The following RPS9 variants were observed in gnomAD, a reference collection of about 807,000 sequenced individuals.
The protein encoded by RPS9 is small ribosomal subunit protein uS4.
A neutral mutation model predicts 16.9 loss-of-function variants in RPS9; 1 was observed. That is an observed-to-expected ratio of 0.06 (90% CI 0.02 to 0.28). The LOEUF (loss-of-function observed/expected upper bound fraction) is 0.28. Among genes scored for constraint, RPS9 ranks in the 10% least tolerant of loss-of-function variants. The pLI, the probability that RPS9 is intolerant of heterozygous loss-of-function variation, is 1.00. For missense variants in RPS9, 137 were observed against 273.2 expected (o/e 0.50, Z 3.51); for synonymous variants, 106 against 110.9 (o/e 0.96, Z 0.28).
At position 54,203,972 on chromosome 19, in the gene RPS9, A is replaced by G. The variant is rs552999026; in HGVS notation, c.221-2304A>G. Among the ~76,000 whole-genome samples, 30 of 152,316 alleles carry G rather than the reference A, an allele frequency of 2.0e-4. No individual in the cohort carries two copies. In the East Asian group the frequency reaches 3.7e-3, roughly 19 times the overall value. ...GGCCCAGTGGAGCCTCAGCAGTAGGACATGCTTTTGTTGAAGGTGTAAGGT... is the reference window on the plus strand; with the variant it reads ...GGCCCAGTGGAGCCTCAGCAGTAGGGCATGCTTTTGTTGAAGGTGTAAGGT... On this transcript the variant is annotated intron_variant, in intron 3 of 4. Coordinates refer to ENST00000302907, the MANE Select transcript of RPS9 (RefSeq NM_001013.4).
chr19:54,201,790 T>C, intron 3 of RPS9, 181 bp downstream of exon 3: 1 of 1,353,512 alleles, frequency 7.4e-7, no homozygotes, highest in African/African-American at 1.5e-5. Flanking sequence ...TTGCCCTGTT[T>C]CTTAGGTGTG....
intron 3 of RPS9, chr19:54,202,483 A>C (rs1317753506): frequency 1.3e-5 from 13 of 984,892 alleles, no homozygotes; most frequent in Non-Finnish European, 1.6e-5. Flanking sequence ...AAAATGTCTC[A>C]GGGAACAGCA....
At chr19:54,201,746 T>G in intron 3 of RPS9, 137 bp downstream of exon 3, 1 of 1,466,246 alleles carries the variant, frequency 6.8e-7, no homozygotes, top group Non-Finnish European at 9.1e-7. Flanking sequence ...TTAGTGGCAC[T>G]TGTGGAGTAG....
chr19:54,201,860 C>T (rs144223500), intron 3 of RPS9: 12 of 653,582 alleles, frequency 1.8e-5, no homozygotes, highest in Non-Finnish European at 2.7e-5. Context: ...TAAAGATAGG[C>T]CTGGCACACC....
intron 3 of RPS9, 140 bp downstream of exon 3, chr19:54,201,749 T>C: frequency 1.4e-6 from 2 of 1,463,080 alleles, no homozygotes; most frequent in East Asian, 2.5e-5. Flanking sequence ...GTGGCACTTG[T>C]GGAGTAGGAA....
intron 4 of RPS9, chr19:54,206,863 G>A: frequency 1.4e-6 from 1 of 703,040 alleles, no homozygotes; most frequent in Non-Finnish European, 2.3e-6. Flanking sequence ...TACTCAGTGT[G>A]CCCTTTCTGT....
chr19:54,201,138 C>G (rs764580453), intron 1 of RPS9, 22 bp from the exon 2 acceptor site: 7 of 1,611,972 alleles, frequency 4.3e-6, no homozygotes, highest in African/African-American at 1.3e-5. Flanking sequence ...ATCCCTTACG[C>G]TCACACTTCT....
intron 2 of RPS9, 45 bp downstream of exon 2, chr19:54,201,326 C>T (rs373749997): frequency 2.7e-5 from 44 of 1,613,150 alleles, no homozygotes; most frequent in Admixed American, 6.7e-5. Flanking sequence ...TTCCGGGAGG[C>T]GGTTAGCACG....
Position 54,207,525 on chromosome 19 carries a change from A to C in RPS9, c.535A>C (p.Lys179Gln). The C allele has an allele frequency of 1.9e-6, 3 of 1,612,730 alleles. No homozygotes were observed. Among genetic ancestry groups the C allele is most frequent in the Non-Finnish European group, 2.5e-6 (3 of 1,180,004 alleles). Residue 179 changes from lysine to glutamine, a missense_variant, in exon 5 of 5, where the codon AAG becomes CAG. Transcript: ENST00000302907. Reference sequence around the variant, plus strand: ...GGGCCGCGTGAAGAGGAAGAATGCCAAGAAGGGCCAGGGTGGGGCTGGGGC... The same window carrying C: ...GGGCCGCGTGAAGAGGAAGAATGCCCAGAAGGGCCAGGGTGGGGCTGGGGC... ...RPGRVKRKNA[K>Q]KGQGGAGAGD...
intron 3 of RPS9, chr19:54,202,540 G>C: frequency 2.0e-6 from 2 of 979,304 alleles, no homozygotes; most frequent in Non-Finnish European, 2.4e-6. Flanking sequence ...ATAGACTTAG[G>C]CTTACTTTAC....
chr19:54,201,043 G>A, intron 1 of RPS9, 117 bp from the exon 2 acceptor site: 1 of 1,488,986 alleles, frequency 6.7e-7, no homozygotes, highest in Non-Finnish European at 8.9e-7. Context: ...CTGACTATGA[G>A]AGCGTTGGAG....
intron 4 of RPS9, chr19:54,206,792 G>C (rs369466951): frequency 3.8e-5 from 52 of 1,366,906 alleles, no homozygotes; most frequent in East Asian, 2.8e-4. Context: ...GGTGGGTTCA[G>C]CTGTCTCCTG....
chr19:54,206,872 G>A lies in RPS9; in HGVS notation c.407+410G>A, dbSNP rs117524368. The A allele has an allele frequency of 3.5e-3, 2,283 of 659,234 alleles. 5 individuals are homozygous for A. The highest frequency in any genetic ancestry group is 5.5e-3 in the Middle Eastern group (13 of 2,360). The allele number at this position is 659,234 out of a possible 1,614,324, so 40.8% of individuals were successfully genotyped here. ...TCTGGGTACTCAGTGTGCCCTTTCT[G>A]TAATGTGGCACCATTGAGGGGGAGG... On this transcript the variant is annotated intron_variant, in intron 4 of 4. Coordinates refer to ENST00000302907, the MANE Select transcript of RPS9 (RefSeq NM_001013.4).
At position 54,202,973 on chromosome 19, in the gene RPS9, C is replaced by T. The variant is rs149063184; in HGVS notation, c.220+1364C>T. On this transcript the variant is annotated intron_variant, in intron 3 of 4. Transcript: ENST00000302907. ...TCAGCTTTCCAAAGTGCTGGGGTTACAGGTGTAAGCCACCGCACCTGACCC... is the reference window on the plus strand; with the variant it reads ...TCAGCTTTCCAAAGTGCTGGGGTTATAGGTGTAAGCCACCGCACCTGACCC... 1.7e-4 allele frequency: 160 copies of T among 966,980 alleles called. No homozygotes were observed. The African/African-American group carries it at 2.4e-3, about 15-fold the overall frequency. 59.9% of individuals were successfully genotyped at this position (966,980 alleles called of 1,614,324 possible).
At chr19:54,207,177 A>G in intron 4 of RPS9, 1 of 542,478 alleles carries the variant, frequency 1.8e-6, no homozygotes, top group Non-Finnish European at 3.2e-6. Context: ...TTTCTCCTAT[A>G]AAATGGGGTT....
chr19:54,202,250 A>G (rs1283064196), intron 3 of RPS9: 3 of 179,498 alleles, frequency 1.7e-5, no homozygotes, highest in South Asian at 1.9e-4. Context: ...AGTTGTCGCA[A>G]TCTTGGCTCA....
chr19:54,206,874 A>G, intron 4 of RPS9: 1 of 648,900 alleles, frequency 1.5e-6, no homozygotes, highest in Non-Finnish European at 2.6e-6. Flanking sequence ...CCCTTTCTGT[A>G]ATGTGGCACC....
chr19:54,206,513 G>T, intron 4 of RPS9, 51 bp downstream of exon 4: 1 of 1,607,746 alleles, frequency 6.2e-7, no homozygotes, highest in Non-Finnish European at 8.5e-7. Flanking sequence ...CCCTCTGATG[G>T]TTGCCCTCAC....
At chr19:54,203,266 AG>A (rs2077123768) in intron 3 of RPS9, 2 of 985,194 alleles carry the variant, frequency 2.0e-6, no homozygotes, top group African/African-American at 1.7e-5. Context: ...AGGGGTACAC[AG>A]TTGTTCAGGT....
Sources: gnomAD v4.1 joint callset for allele counts (sites outside exome capture counted in the v4.1 genomes callset) on GRCh38, gnomAD v4.1.1 for gene constraint, MANE v1.5 for transcripts, NCBI Gene and HGNC (gene_info 2026-07-23, HGNC 2026-07-21) for gene names.